The following CGNL1 variants were observed in gnomAD, a reference collection of about 807,000 sequenced individuals.
The protein encoded by CGNL1 is cingulin-like protein 1.
CGNL1 carries 132 observed loss-of-function variants against 141.2 expected under a neutral mutation model. The observed-to-expected ratio is 0.93, with a 90% CI of 0.81 to 1.08. CGNL1 has a LOEUF of 1.08. Among genes scored for constraint, CGNL1 ranks in the 50% least tolerant of loss-of-function variants. The pLI, the probability that CGNL1 is intolerant of heterozygous loss-of-function variation, is 0.00. For synonymous variants in CGNL1, 690 were observed against 622.1 expected, an observed-to-expected ratio of 1.11 and a Z score of -1.63; for missense variants, 1,870 against 1,588.6, an observed-to-expected ratio of 1.18 and a Z score of -3.01.
chr15:57,377,821 C>A (rs1463944424), intron 1 of CGNL1, among the ~76,000 whole-genome samples: 3 of 152,078 alleles, frequency 2.0e-5, no homozygotes, highest in Non-Finnish European at 2.9e-5. Flanking sequence ...TTGTCATATT[C>A]GGGAATGATT....
chr15:57,530,736 G>T (rs1195422192), intron 13 of CGNL1, among the ~76,000 whole-genome samples: 1 of 152,164 alleles, frequency 6.6e-6, no homozygotes, highest in Non-Finnish European at 1.5e-5. Context: ...ATCACTACCT[G>T]GGGGCCGTTC....
At chr15:57,498,245 G>GTT (rs56793548) in intron 8 of CGNL1, among the ~76,000 whole-genome samples, 42,446 of 100,622 alleles carry the variant, frequency 0.42, 10,093 homozygotes, top group African/African-American at 0.45. Flanking sequence ...TGGGGAAACA[G>GTT]TTTTTTTTTT....
chr15:57,519,236 A>G, intron 10 of CGNL1, among the ~76,000 whole-genome samples: 1 of 152,208 alleles, frequency 6.6e-6, no homozygotes, highest in East Asian at 1.9e-4. Context: ...TAAGTATCTC[A>G]GGTGAGTTTC....
At chr15:57,377,822 G>A (rs920351470) in intron 1 of CGNL1, among the ~76,000 whole-genome samples, 1 of 152,106 alleles carries the variant, frequency 6.6e-6, no homozygotes, top group East Asian at 1.9e-4. Flanking sequence ...TGTCATATTC[G>A]GGAATGATTT....
At position 57,510,849 on chromosome 15, in the gene CGNL1, T is replaced by C. The variant is rs571283012; in HGVS notation, c.2404-5931T>C. ...GCTATATGTGGTGAAAAGGAATTGCTTAACTATGTAAACTGGCGTGGGAGA... is the reference window on the plus strand; with the variant it reads ...GCTATATGTGGTGAAAAGGAATTGCCTAACTATGTAAACTGGCGTGGGAGA... On this transcript the variant is annotated intron_variant, in intron 8 of 18. Coordinates refer to ENST00000281282, the MANE Select transcript of CGNL1 (RefSeq NM_032866.5). Among the ~76,000 whole-genome samples, 5 of 152,296 alleles carry C rather than the reference T, an allele frequency of 3.3e-5. No homozygotes were observed. In the South Asian group the frequency reaches 1.0e-3, roughly 32 times the overall value.
rs2033065562 is a variant in CGNL1, at chr15:57,550,519, TC to T, written c.*3030del. On this transcript the variant is annotated 3_prime_UTR_variant, in exon 19 of 19. Coordinates refer to ENST00000281282, the MANE Select transcript of CGNL1 (RefSeq NM_032866.5). ...ATACTGAAGAGACAATCATCCTGTATCTTTTATGGTTTTTCCTGCTTCTGAG... is the reference window on the plus strand; with the variant it reads ...ATACTGAAGAGACAATCATCCTGTATTTTTATGGTTTTTCCTGCTTCTGAG... 1 of 152,614 alleles carries T rather than the reference TC, an allele frequency of 6.6e-6. No homozygotes were observed. The highest frequency in any genetic ancestry group is 2.4e-5 in the African/African-American group (1 of 41,440). 9.5% of individuals were successfully genotyped at this position (152,614 alleles called of 1,614,324 possible).
At chr15:57,434,269 A>T (rs1282014965) in intron 1 of CGNL1, among the ~76,000 whole-genome samples, 1 of 152,236 alleles carries the variant, frequency 6.6e-6, no homozygotes. Flanking sequence ...TACAAATTAA[A>T]TACTGGAATT....
rs1184791521 is a variant in CGNL1, at chr15:57,442,427, A to T, written c.1752A>T (p.Lys584Asn). The change falls in exon 4 of 19, where the codon AAA becomes AAT. Residue 584 changes from lysine (K) to asparagine (N), a missense_variant. Lys to Asn is a moderately conservative substitution (Grantham distance 94). Coordinates refer to ENST00000281282, the MANE Select transcript of CGNL1 (RefSeq NM_032866.5). ...GGAAAGTCAACTTGGTCTTTGAGAA[A>T]ATCCAGACCTTAAAGTCTCGAGCAG... Reference protein sequence around the residue: ...TKRKVNLVFEKIQTLKSRAAG... With the variant: ...TKRKVNLVFENIQTLKSRAAG... 1 of 1,613,870 alleles carries T rather than the reference A, an allele frequency of 6.2e-7. No individual in the cohort carries two copies. The highest frequency in any genetic ancestry group is 1.7e-5 in the Admixed American group (1 of 59,998).
At chr15:57,428,946 C>T (rs925794048) in intron 1 of CGNL1, among the ~76,000 whole-genome samples, 4 of 151,990 alleles carry the variant, frequency 2.6e-5, no homozygotes, top group African/African-American at 9.7e-5. Flanking sequence ...TTGCTTGAAC[C>T]CAGGAGGCAG....
chr15:57,513,353 T>C (rs79278661), intron 8 of CGNL1, among the ~76,000 whole-genome samples: 1,750 of 152,136 alleles, frequency 0.012, 37 homozygotes, highest in African/African-American at 0.039. Flanking sequence ...TTGTGGTGTG[T>C]GTCAGTATTT....
At chr15:57,542,458 C>A (rs2032619964) in intron 14 of CGNL1, among the ~76,000 whole-genome samples, 1 of 152,174 alleles carries the variant, frequency 6.6e-6, no homozygotes, top group Non-Finnish European at 1.5e-5. Flanking sequence ...TTGCACAAGC[C>A]ACTGGGAATT....
Position 57,440,419 on chromosome 15 carries a change from C to T in CGNL1, c.1645C>T (p.Gln549Ter). 1 of 1,603,092 alleles carries T rather than the reference C, an allele frequency of 6.2e-7. No individual in the cohort carries two copies. Among genetic ancestry groups the T allele is most frequent in the East Asian group, 2.2e-5 (1 of 44,794 alleles). ...AAAGGGCCAGCAAGAGCTCACTCAG[C>T]AAACCAATGAGGAGACAGCTAAGCA... The part of the protein sequence containing the change: ...LLKGQQELTQ[Q>*]TNEETAKQIL... The change falls in exon 3 of 19, where the codon CAA becomes TAA. Residue 549 changes from glutamine (Q) to a stop codon, truncating the protein, a stop_gained. Transcript: ENST00000281282. LOFTEE classifies it high-confidence loss of function.
chr15:57,453,562 G>C lies in CGNL1; in HGVS notation c.2055-121G>C, dbSNP rs1465625474. The stretch of plus-strand genomic sequence containing the variant: ...GATCCCTTGCTCAGTGCAGAACAGA[G>C]AATGGGGAGGCTCCTTGGGGCTTTA... On this transcript the variant is annotated intron_variant, in intron 6 of 18. Coordinates refer to ENST00000281282, the MANE Select transcript of CGNL1 (RefSeq NM_032866.5). 6.1e-6 allele frequency: 8 copies of C among 1,301,990 alleles called. No homozygotes were observed. The African/African-American group carries it at 7.4e-5, about 12-fold the overall frequency. The allele number at this position is 1,301,990 out of a possible 1,614,324, so 80.7% of individuals were successfully genotyped here.
At chr15:57,470,899 C>T (rs1595738904) in intron 8 of CGNL1, among the ~76,000 whole-genome samples, 1 of 152,120 alleles carries the variant, frequency 6.6e-6, no homozygotes, top group Admixed American at 6.6e-5. Context: ...AGTTGACACC[C>T]TAAGTGCTTT....
At chr15:57,412,735 C>T (rs1407832826) in intron 1 of CGNL1, among the ~76,000 whole-genome samples, 1 of 152,246 alleles carries the variant, frequency 6.6e-6, no homozygotes, top group Non-Finnish European at 1.5e-5. Context: ...TTTGGAGCCA[C>T]ACAGACCAAG....
chr15:57,409,341 T>C (rs780974171), intron 1 of CGNL1, among the ~76,000 whole-genome samples: 48 of 152,242 alleles, frequency 3.2e-4, no homozygotes, highest in Non-Finnish European at 6.6e-4. Context: ...TTGAATTCCA[T>C]GCTGAGGAGA....
chr15:57,543,885 T>C lies in CGNL1; in HGVS notation c.3375+106T>C, dbSNP rs180948686. 6.1e-5 allele frequency: 46 copies of C among 754,218 alleles called. No individual in the cohort carries two copies. The East Asian group carries it at 1.1e-3, about 19-fold the overall frequency. The allele number at this position is 754,218 out of a possible 1,614,324, so 46.7% of individuals were successfully genotyped here. On this transcript the variant is annotated intron_variant, in intron 15 of 18. Transcript: ENST00000281282. ...TTGGAGGTCCCTCCTTTACTTGGCATCCCAAGAACTCTGGGGGGTAACAGT... is the reference window on the plus strand; with the variant it reads ...TTGGAGGTCCCTCCTTTACTTGGCACCCCAAGAACTCTGGGGGGTAACAGT...
chr15:57,461,969 C>G (rs1328195307), intron 8 of CGNL1, 77 bp downstream of exon 8: 1 of 1,025,736 alleles, frequency 9.7e-7, no homozygotes. Flanking sequence ...CACTGCAAAT[C>G]CCCTTCATTC....
At chr15:57,426,703 C>A (rs1277323416) in intron 1 of CGNL1, among the ~76,000 whole-genome samples, 1 of 151,566 alleles carries the variant, frequency 6.6e-6, no homozygotes, top group South Asian at 2.1e-4. Context: ...AAGTGATCCG[C>A]CTGCCTCAGC....
Sources: gnomAD v4.1 joint callset for allele counts (sites outside exome capture counted in the v4.1 genomes callset) on GRCh38, gnomAD v4.1.1 for gene constraint, MANE v1.5 for transcripts, NCBI Gene and HGNC (gene_info 2026-07-23, HGNC 2026-07-21) for gene names.